OLFM3: variants seen among roughly 807,000 people sequenced by gnomAD.
OLFM3 encodes olfactomedin 3, also known as noelin-3.
In OLFM3, 20 loss-of-function variants were observed where a neutral mutation model predicts 48.6. The ratio of observed to expected loss-of-function variants is 0.41; its 90% CI spans 0.29 to 0.60. OLFM3 has a LOEUF of 0.60. Among genes scored for constraint, OLFM3 ranks in the 20% least tolerant of loss-of-function variants. OLFM3 has a pLI of 0.28. For synonymous variants in OLFM3, 222 were observed against 198.1 expected (o/e 1.12, Z -1.01); for missense variants, 437 against 544.3 (o/e 0.80, Z 1.96).
At chr1:101,872,979 A>G (rs1161720839) in intron 1 of OLFM3, among the ~76,000 whole-genome samples, 1 of 151,996 alleles carries the variant, frequency 6.6e-6, no homozygotes. Flanking sequence ...GACATTTAAA[A>G]GCGGACATCA....
intron 1 of OLFM3, among the ~76,000 whole-genome samples, chr1:101,896,507 T>TC (rs1658206633): frequency 7.0e-6 from 1 of 143,094 alleles, no homozygotes; most frequent in Non-Finnish European, 1.5e-5. Flanking sequence ...TTTTTTTTTT[T>TC]TTTTTGAGAC....
chr1:101,924,850 A>G (rs1179411391), intron 1 of OLFM3, among the ~76,000 whole-genome samples: 1 of 152,200 alleles, frequency 6.6e-6, no homozygotes, highest in African/African-American at 2.4e-5. Flanking sequence ...AGTTCTTGAG[A>G]TAGGTCAAAC....
intron 1 of OLFM3, among the ~76,000 whole-genome samples, chr1:101,918,328 T>A (rs1373750341): frequency 6.6e-6 from 1 of 152,166 alleles, no homozygotes; most frequent in African/African-American, 2.4e-5. Flanking sequence ...CAAATTAATA[T>A]CTTAAGTTGT....
intron 1 of OLFM3, among the ~76,000 whole-genome samples, chr1:101,975,947 A>C (rs1215273880): frequency 2.0e-5 from 3 of 152,190 alleles, no homozygotes; most frequent in Non-Finnish European, 4.4e-5. Flanking sequence ...TGGAAGAAAA[A>C]AACAGCCAAC....
intron 1 of OLFM3, among the ~76,000 whole-genome samples, chr1:101,931,426 T>C (rs377208146): frequency 2.0e-5 from 3 of 152,306 alleles, no homozygotes; most frequent in South Asian, 4.1e-4. Flanking sequence ...TGCTATCCCA[T>C]GGTATAGCTG....
At chr1:101,968,113 A>G (rs1660670613) in intron 1 of OLFM3, among the ~76,000 whole-genome samples, 1 of 152,220 alleles carries the variant, frequency 6.6e-6, no homozygotes, top group African/African-American at 2.4e-5. Context: ...CGAGTGGCTT[A>G]CCATTCTGCC....
At chr1:101,937,881 A>C (rs1196797711) in intron 1 of OLFM3, among the ~76,000 whole-genome samples, 1 of 152,036 alleles carries the variant, frequency 6.6e-6, no homozygotes, top group African/African-American at 2.4e-5. Context: ...CATCCCTTAC[A>C]TATTATAGAT....
chr1:101,992,709 C>T lies in OLFM3; in HGVS notation c.69+4039G>A, dbSNP rs191957865. 1.8e-3 allele frequency among the ~76,000 whole-genome samples: 270 copies of T among 151,804 alleles called. 1 individual carries two copies. The highest frequency in any genetic ancestry group is 6.4e-3 in the African/African-American group (264 of 41,394). ...ATTAGATTTATGTATGAAAGCTACA[C>T]TTAGGCAGTTTAAGTCTGATTATTT... On this transcript the variant is annotated intron_variant, in intron 1 of 5. Coordinates refer to ENST00000370103, the MANE Select transcript of OLFM3 (RefSeq NM_058170.4).
intron 4 of OLFM3, among the ~76,000 whole-genome samples, chr1:101,807,222 T>C (rs1368760635): frequency 1.3e-5 from 2 of 151,772 alleles, no homozygotes; most frequent in East Asian, 1.9e-4. Flanking sequence ...TTTTATGAGA[T>C]TTTTGAACAG....
At position 101,804,289 on chromosome 1, in the gene OLFM3, C is replaced by A. The variant is rs200257755; in HGVS notation, c.1326G>T (p.Val442=). The change falls in exon 6 of 6, where the codon GTG becomes GTT. Residue 442 remains valine (V), a synonymous_variant. Transcript: ENST00000370103. The surrounding 1 kb of genome is among the most constrained non-coding windows in gnomAD (Gnocchi z 4.5). The part of the protein sequence containing the change: ...ALYAWNNGHQ[V]LFNVTLFHII... ...TATGGAAAAGGGTGACATTGAACAG[C>A]ACCTGGTGGCCATTGTTCCAGGCAT... is the stretch of plus-strand genomic sequence containing the variant. 124 of 1,610,148 alleles carry A rather than the reference C, an allele frequency of 7.7e-5. No homozygotes were observed. The highest frequency in any genetic ancestry group is 5.4e-4 in the Admixed American group (32 of 59,650).
At chr1:101,820,190 CT>C in intron 4 of OLFM3, among the ~76,000 whole-genome samples, 1 of 152,052 alleles carries the variant, frequency 6.6e-6, no homozygotes, top group Non-Finnish European at 1.5e-5. Flanking sequence ...ACTCAAGTCT[CT>C]ACTTGTGACC....
intron 1 of OLFM3, among the ~76,000 whole-genome samples, chr1:101,905,406 G>A (rs1455021549): frequency 6.6e-6 from 1 of 152,122 alleles, no homozygotes; most frequent in African/African-American, 2.4e-5. Context: ...CAGGCCAAAT[G>A]TAATTTAATA....
chr1:101,981,348 C>T (rs1661099943), intron 1 of OLFM3, among the ~76,000 whole-genome samples: 1 of 152,190 alleles, frequency 6.6e-6, no homozygotes, highest in Non-Finnish European at 1.5e-5. Flanking sequence ...GAAGTCTCTG[C>T]ATTCCCATTT....
chr1:101,870,307 C>T (rs1013048744), intron 1 of OLFM3, among the ~76,000 whole-genome samples: 5 of 152,122 alleles, frequency 3.3e-5, no homozygotes, highest in African/African-American at 1.2e-4. Flanking sequence ...TCATCAATAA[C>T]ATCATGCTCA....
chr1:101,839,363 G>A (rs942094599), intron 1 of OLFM3, among the ~76,000 whole-genome samples: 5 of 152,080 alleles, frequency 3.3e-5, no homozygotes, highest in African/African-American at 1.2e-4. Context: ...TTAAAATGCA[G>A]ACTACCCACA....
rs1205256671 is a variant in OLFM3 at position 101,896,892 on chromosome 1, C to G, written c.70-59867G>C. Among the ~76,000 whole-genome samples, 4 of 152,026 alleles carry G rather than the reference C, an allele frequency of 2.6e-5. No individual in the cohort carries two copies. The South Asian group carries it at 8.3e-4, about 32-fold the overall frequency. ...CACTCAGAACAAATGCAGTAGAAAA[C>G]AACAAGTAATTGCAAACAACAAAAT... On this transcript the variant is annotated intron_variant, in intron 1 of 5. Transcript: ENST00000370103.
chr1:101,961,234 G>A (rs1210674864), intron 1 of OLFM3, among the ~76,000 whole-genome samples: 2 of 151,932 alleles, frequency 1.3e-5, no homozygotes, highest in Admixed American at 6.6e-5. Context: ...GCACATAAAA[G>A]CTGAAAGAGA....
intron 2 of OLFM3, among the ~76,000 whole-genome samples, chr1:101,834,175 A>G (rs1473365040): frequency 1.3e-5 from 2 of 152,218 alleles, no homozygotes; most frequent in African/African-American, 2.4e-5. Context: ...GGGATTTTGT[A>G]TGACACTGGT....
At chr1:101,989,951 CATT>C (rs1661353680) in intron 1 of OLFM3, among the ~76,000 whole-genome samples, 1 of 152,158 alleles carries the variant, frequency 6.6e-6, no homozygotes, top group Admixed American at 6.5e-5. Context: ...ACTACTTTCT[CATT>C]ATCATAGTTT....
Sources: gnomAD v4.1 joint callset for allele counts (sites outside exome capture counted in the v4.1 genomes callset) on GRCh38, gnomAD v4.1.1 for gene constraint, Gnocchi (gnomAD v3.1) non-coding constraint, MANE v1.5 for transcripts, NCBI Gene and HGNC (gene_info 2026-07-23, HGNC 2026-07-21) for gene names.